Variants in CHRM3 observed in about 807,000 individuals in gnomAD.
CHRM3 encodes the protein cholinergic receptor muscarinic 3.
Under a neutral mutation model 41.8 loss-of-function variants are expected in CHRM3, and 11 were observed. The ratio of observed to expected loss-of-function variants is 0.26; its 90% CI spans 0.17 to 0.44. CHRM3 has a LOEUF of 0.44. CHRM3 is among the 20% of genes least tolerant of loss of function. The probability of loss-of-function intolerance (pLI) is 1.00; values close to 1 mark genes in which losing one functional copy is unlikely to be tolerated. For missense variants in CHRM3, 571 were observed against 745.4 expected (o/e 0.77, Z 2.72); for synonymous variants, 297 against 301.4 (o/e 0.99, Z 0.15).
chr1:239,897,106 G>A (rs558579918), intron 6 of CHRM3, among the ~76,000 whole-genome samples: 25 of 152,260 alleles, frequency 1.6e-4, no homozygotes, highest in East Asian at 1.2e-3. Flanking sequence ...TGGCAGAATC[G>A]GGTGTACTTC....
intron 3 of CHRM3, among the ~76,000 whole-genome samples, chr1:239,555,644 A>G (rs1439419623): frequency 6.6e-6 from 1 of 152,204 alleles, no homozygotes; most frequent in Non-Finnish European, 1.5e-5. Flanking sequence ...GAATTTGTGC[A>G]TTAACTGCCC....
chr1:239,575,672 C>G (rs1662262552), intron 3 of CHRM3, among the ~76,000 whole-genome samples: 1 of 151,876 alleles, frequency 6.6e-6, no homozygotes, highest in African/African-American at 2.4e-5. Flanking sequence ...ACAGACAGCT[C>G]TAGTCAGTGA....
intron 6 of CHRM3, among the ~76,000 whole-genome samples, chr1:239,866,301 C>T (rs1676097056): frequency 6.6e-6 from 1 of 151,872 alleles, no homozygotes; most frequent in Non-Finnish European, 1.5e-5. Flanking sequence ...GGCGTGAACC[C>T]GGGAGGCGGA....
chr1:239,508,800 G>A (rs908826584), intron 2 of CHRM3, among the ~76,000 whole-genome samples: 1 of 152,074 alleles, frequency 6.6e-6, no homozygotes, highest in Non-Finnish European at 1.5e-5. Context: ...TTGTTAAATG[G>A]GATATGTTAC....
intron 1 of CHRM3, among the ~76,000 whole-genome samples, chr1:239,476,286 C>T (rs577829374): frequency 4.0e-5 from 6 of 151,732 alleles, no homozygotes; most frequent in African/African-American, 1.2e-4. Flanking sequence ...GCCAACGTGG[C>T]GAAACCCCGT....
chr1:239,586,624 C>A (rs1186508927), intron 3 of CHRM3, among the ~76,000 whole-genome samples: 2 of 152,048 alleles, frequency 1.3e-5, no homozygotes, highest in South Asian at 2.1e-4. Context: ...TATTTCAGTT[C>A]TTTTTATTTT....
At chr1:239,582,804 A>G (rs1337584012) in intron 3 of CHRM3, among the ~76,000 whole-genome samples, 1 of 152,158 alleles carries the variant, frequency 6.6e-6, no homozygotes. Context: ...GAAATTTCCA[A>G]AATCACATGG....
At chr1:239,495,826 C>T (rs1053015420) in intron 2 of CHRM3, among the ~76,000 whole-genome samples, 2 of 152,014 alleles carry the variant, frequency 1.3e-5, no homozygotes, top group African/African-American at 4.8e-5. Context: ...CTGCACACCC[C>T]ATCTTGATTT....
intron 4 of CHRM3, among the ~76,000 whole-genome samples, chr1:239,637,727 G>A (rs35541764): frequency 0.65 from 92,820 of 141,958 alleles, 30,718 homozygotes; most frequent in East Asian, 0.84. Context: ...TTTTTTTTGG[G>A]GAATTTGTAT....
At chr1:239,722,196 T>C (rs1663036520) in intron 5 of CHRM3, among the ~76,000 whole-genome samples, 1 of 151,864 alleles carries the variant, frequency 6.6e-6, no homozygotes, top group Non-Finnish European at 1.5e-5. Flanking sequence ...AAAAATGTAG[T>C]CACCTGGAAA....
At chr1:239,775,461 G>C (rs140120274) in intron 5 of CHRM3, among the ~76,000 whole-genome samples, 1 of 152,084 alleles carries the variant, frequency 6.6e-6, no homozygotes, top group Non-Finnish European at 1.5e-5. Flanking sequence ...ATTTTCTTTT[G>C]TTATATGAAT....
At chr1:239,522,577 G>A (rs77701276) in intron 2 of CHRM3, among the ~76,000 whole-genome samples, 2,866 of 152,306 alleles carry the variant, frequency 0.019, 89 homozygotes, top group African/African-American at 0.065. Context: ...ATAATAGGTA[G>A]CAGACACTGG....
chr1:239,431,537 C>CAA, intron 1 of CHRM3, among the ~76,000 whole-genome samples: 1 of 152,272 alleles, frequency 6.6e-6, no homozygotes, highest in African/African-American at 2.4e-5. Context: ...ACCCAGTGTT[C>CAA]AAGCTCAGAC....
At chr1:239,699,578 G>A (rs1048827609) in intron 5 of CHRM3, among the ~76,000 whole-genome samples, 8 of 152,094 alleles carry the variant, frequency 5.3e-5, no homozygotes, top group African/African-American at 1.7e-4. Flanking sequence ...TAAGTCACCC[G>A]ATCTGTAGCT....
chr1:239,444,500 G>A (rs1299049597), intron 1 of CHRM3, among the ~76,000 whole-genome samples: 1 of 152,122 alleles, frequency 6.6e-6, no homozygotes, highest in Non-Finnish European at 1.5e-5. Context: ...GAGACCATTT[G>A]AGGCCCTGCC....
chr1:239,465,788 C>T (rs557255602), intron 1 of CHRM3, among the ~76,000 whole-genome samples: 7 of 152,188 alleles, frequency 4.6e-5, no homozygotes, highest in East Asian at 1.9e-4. Flanking sequence ...GGTTCACTTA[C>T]GTGAGAATTT....
At chr1:239,643,787 C>T (rs898477955) in intron 4 of CHRM3, among the ~76,000 whole-genome samples, 2 of 152,192 alleles carry the variant, frequency 1.3e-5, no homozygotes, top group African/African-American at 4.8e-5. Context: ...GTCCTGCGCC[C>T]ACTGTCTGGC....
chr1:239,422,036 G>A (rs868234844), intron 1 of CHRM3, among the ~76,000 whole-genome samples: 3 of 152,144 alleles, frequency 2.0e-5, no homozygotes, highest in Non-Finnish European at 4.4e-5. Context: ...AGGAAAATGA[G>A]GGCCATGGGA....
intron 3 of CHRM3, among the ~76,000 whole-genome samples, chr1:239,601,557 A>AT (rs1665539976): frequency 6.6e-6 from 1 of 152,124 alleles, no homozygotes; most frequent in Admixed American, 6.5e-5. Flanking sequence ...GAAAAAAAAA[A>AT]GGCTTATGGG....
Sources: gnomAD v4.1 joint callset for allele counts (sites outside exome capture counted in the v4.1 genomes callset) on GRCh38, gnomAD v4.1.1 for gene constraint, MANE v1.5 for transcripts, NCBI Gene and HGNC (gene_info 2026-07-23, HGNC 2026-07-21) for gene names.